PDZRN3: variants seen among roughly 807,000 people sequenced by gnomAD.
PDZRN3 encodes E3 ubiquitin-protein ligase PDZRN3.
In PDZRN3, 38 loss-of-function variants were observed where a neutral mutation model predicts 85.7. The ratio of observed to expected loss-of-function variants is 0.44; its 90% CI spans 0.34 to 0.58. The LOEUF (loss-of-function observed/expected upper bound fraction) is 0.58, where lower values mean the gene tolerates loss of function less well. Among genes scored for constraint, PDZRN3 ranks in the 20% least tolerant of loss-of-function variants. PDZRN3 has a pLI of 0.01. For missense variants in PDZRN3, 1,629 were observed against 1,506.4 expected, an observed-to-expected ratio of 1.08 and a Z score of -1.35; for synonymous variants, 759 against 638.0, an observed-to-expected ratio of 1.19 and a Z score of -2.86.
intron 3 of PDZRN3, among the ~76,000 whole-genome samples, chr3:73,511,466 T>C (rs551818442): frequency 5.9e-5 from 9 of 152,178 alleles, no homozygotes; most frequent in Non-Finnish European, 1.2e-4. Flanking sequence ...GGATTTCACA[T>C]GTGGTTTTGC....
intron 3 of PDZRN3, among the ~76,000 whole-genome samples, chr3:73,553,366 G>C (rs1045669300): frequency 1.3e-4 from 20 of 152,088 alleles, no homozygotes; most frequent in Non-Finnish European, 2.6e-4. Context: ...CTGAGGTCAG[G>C]AGTTCGAGAC....
intron 3 of PDZRN3, among the ~76,000 whole-genome samples, chr3:73,530,432 G>A (rs772601272): frequency 2.0e-5 from 3 of 152,134 alleles, no homozygotes; most frequent in African/African-American, 7.2e-5. Flanking sequence ...CAGTATCAAT[G>A]ACAACATATT....
In PDZRN3 at chr3:73,524,490, T is replaced by C. The variant is rs1321609133; in HGVS notation, c.918+77864A>G. 1.3e-5 allele frequency among the ~76,000 whole-genome samples: 2 copies of C among 152,226 alleles called. 1 individual carries two copies. The highest frequency in any genetic ancestry group is 4.1e-4 in the South Asian group (2 of 4,832). ...CTCTGAAAGCACAGGCTTTGACTGC[T>C]GTGGGCCACTTATCACAGGCTGCCT... On this transcript the variant is annotated intron_variant, in intron 3 of 9. Coordinates refer to ENST00000263666, the MANE Select transcript of PDZRN3 (RefSeq NM_015009.3).
intron 5 of PDZRN3, among the ~76,000 whole-genome samples, chr3:73,396,633 T>C (rs1313605802): frequency 6.6e-6 from 1 of 152,206 alleles, no homozygotes; most frequent in Non-Finnish European, 1.5e-5. Flanking sequence ...CTATTGAAAT[T>C]GTAGTTTTCC....
At chr3:73,472,554 A>G (rs951712439) in intron 3 of PDZRN3, among the ~76,000 whole-genome samples, 4 of 152,194 alleles carry the variant, frequency 2.6e-5, no homozygotes, top group Non-Finnish European at 5.9e-5. Context: ...AGTAAATTCA[A>G]TAACTCAATT....
Position 73,383,099 on chromosome 3 carries a change from G to T in PDZRN3, c.*266C>A. On this transcript the variant is annotated 3_prime_UTR_variant, in exon 10 of 10. Coordinates refer to ENST00000263666, the MANE Select transcript of PDZRN3 (RefSeq NM_015009.3). ...TCTTTCTGAAATTTAAACACTTTAT[G>T]TAAAAGGGTACAGGTAGAAAAGTAC... is the stretch of plus-strand genomic sequence containing the variant. The T allele has an allele frequency of 2.8e-6, 1 of 360,454 alleles. No homozygotes were observed. The highest frequency in any genetic ancestry group is 5.0e-6 in the Non-Finnish European group (1 of 201,104). 22.3% of individuals were successfully genotyped at this position (360,454 alleles called of 1,614,324 possible).
At chr3:73,556,202 A>T (rs1425519604) in intron 3 of PDZRN3, among the ~76,000 whole-genome samples, 1 of 152,216 alleles carries the variant, frequency 6.6e-6, no homozygotes, top group Non-Finnish European at 1.5e-5. Flanking sequence ...AGTAATAATC[A>T]TAATCTATGA....
At chr3:73,414,167 C>T (rs1397859844) in intron 3 of PDZRN3, among the ~76,000 whole-genome samples, 2 of 152,188 alleles carry the variant, frequency 1.3e-5, no homozygotes, top group African/African-American at 4.8e-5. Context: ...AAACAAGCAA[C>T]ATCACACATT....
At chr3:73,614,502 C>T (rs554298072) in intron 1 of PDZRN3, among the ~76,000 whole-genome samples, 321 of 152,254 alleles carry the variant, frequency 2.1e-3, no homozygotes, top group South Asian at 0.01. Context: ...GGACTCACAG[C>T]AGAGAACTGG....
At chr3:73,616,470 T>C (rs1702765133) in intron 1 of PDZRN3, among the ~76,000 whole-genome samples, 1 of 152,212 alleles carries the variant, frequency 6.6e-6, no homozygotes, top group South Asian at 2.1e-4. Flanking sequence ...ATTCATAAGC[T>C]TTAGCCCTCC....
rs80097688 is a variant in PDZRN3 at position 73,398,283 on chromosome 3, G to A, written c.1254+2639C>T. Among the ~76,000 whole-genome samples the A allele has an allele frequency of 4.9e-4, 75 of 152,258 alleles. No homozygotes were observed. The East Asian group carries it at 9.3e-3, about 19-fold the overall frequency. On this transcript the variant is annotated intron_variant, in intron 5 of 9. Transcript: ENST00000263666. ...GTGTGGACAATATTCGTGACTTGGCGGCACATCTCGACACTGCAGTGAATG... is the reference window on the plus strand; with the variant it reads ...GTGTGGACAATATTCGTGACTTGGCAGCACATCTCGACACTGCAGTGAATG...
rs575567471 is a variant in PDZRN3 at position 73,592,109 on chromosome 3, C to T, written c.918+10245G>A. On this transcript the variant is annotated intron_variant, in intron 3 of 9. Coordinates refer to ENST00000263666, the MANE Select transcript of PDZRN3 (RefSeq NM_015009.3). ...ACAGATCATGCTATATAAATCATCC[C>T]CTATCCAATGTTTAAAATCAACATC... is the stretch of plus-strand genomic sequence containing the variant. Among the ~76,000 whole-genome samples, 4 of 152,250 alleles carry T rather than the reference C, an allele frequency of 2.6e-5. No individual in the cohort carries two copies. The South Asian group carries it at 8.3e-4, about 32-fold the overall frequency.
chr3:73,604,964 C>T (rs1035515150), intron 2 of PDZRN3, among the ~76,000 whole-genome samples: 7 of 152,130 alleles, frequency 4.6e-5, no homozygotes, highest in African/African-American at 1.4e-4. Flanking sequence ...CTCACACCTG[C>T]AATCCCAGCA....
intron 3 of PDZRN3, among the ~76,000 whole-genome samples, chr3:73,467,378 C>CA (rs1384706248): frequency 6.6e-6 from 1 of 152,190 alleles, no homozygotes. Flanking sequence ...CGCTCAAATA[C>CA]AAAAGGACAA....
At chr3:73,617,616 C>T (rs1702783729) in intron 1 of PDZRN3, among the ~76,000 whole-genome samples, 1 of 152,186 alleles carries the variant, frequency 6.6e-6, no homozygotes, top group Non-Finnish European at 1.5e-5. Flanking sequence ...CACTTCATTC[C>T]TACTGTTAAC....
At chr3:73,494,519 G>A (rs1488968497) in intron 3 of PDZRN3, among the ~76,000 whole-genome samples, 1 of 152,032 alleles carries the variant, frequency 6.6e-6, no homozygotes, top group Non-Finnish European at 1.5e-5. Context: ...ACCAATAAAG[G>A]AACTTATATA....
chr3:73,563,291 C>T (rs924703733), intron 3 of PDZRN3, among the ~76,000 whole-genome samples: 54 of 151,250 alleles, frequency 3.6e-4, no homozygotes, highest in African/African-American at 1.3e-3. Flanking sequence ...CGCCTCGGCC[C>T]CCCAAAGTGC....
At chr3:73,411,610 T>C (rs886449451) in intron 3 of PDZRN3, among the ~76,000 whole-genome samples, 5 of 148,918 alleles carry the variant, frequency 3.4e-5, no homozygotes, top group African/African-American at 5.2e-5. Context: ...TCCACCATAG[T>C]GGCAGCAGGT....
chr3:73,500,359 TTTATTA>T (rs1166207378), intron 3 of PDZRN3, among the ~76,000 whole-genome samples: 1 of 152,210 alleles, frequency 6.6e-6, no homozygotes, highest in East Asian at 1.9e-4. Flanking sequence ...GTCCTTATTA[TTTATTA>T]TTATTTTTTT....
Sources: allele counts gnomAD v4.1 joint callset (sites outside exome capture counted in the v4.1 genomes callset), GRCh38; gene constraint gnomAD v4.1.1; transcripts MANE v1.5; gene names NCBI Gene and HGNC (gene_info 2026-07-23, HGNC 2026-07-21).